Variants in OSBPL10 observed in about 807,000 individuals in gnomAD.
OSBPL10 encodes oxysterol binding protein like 10.
Under a neutral mutation model 81.7 loss-of-function variants are expected in OSBPL10, and 49 were observed. The observed-to-expected ratio is 0.60, with a 90% CI of 0.48 to 0.76. The LOEUF is 0.76. Ranked by LOEUF, OSBPL10 falls within the 30% of genes least tolerant of loss-of-function variation. The probability of loss-of-function intolerance (pLI) is 0.00; values close to 1 mark genes in which losing one functional copy is unlikely to be tolerated. For missense variants in OSBPL10, 923 were observed against 987.8 expected (o/e 0.93, Z 0.88); for synonymous variants, 419 against 383.6 (o/e 1.09, Z -1.08).
At chr3:32,008,751 T>C (rs1411539912) in intron 2 of OSBPL10, among the ~76,000 whole-genome samples, 3 of 118,654 alleles carry the variant, frequency 2.5e-5, no homozygotes, top group Non-Finnish European at 1.6e-5. Flanking sequence ...CAGAGTGAGA[T>C]CCTGACTGGA....
intron 4 of OSBPL10, among the ~76,000 whole-genome samples, chr3:31,821,403 T>C (rs1699980000): frequency 1.3e-5 from 2 of 152,250 alleles, no homozygotes; most frequent in Admixed American, 1.3e-4. Flanking sequence ...ATTCTCACTA[T>C]TCCAGCCAAC....
At chr3:31,860,485 A>C (rs1701030819) in intron 3 of OSBPL10, among the ~76,000 whole-genome samples, 1 of 152,194 alleles carries the variant, frequency 6.6e-6, no homozygotes, top group South Asian at 2.1e-4. Context: ...CAAGGCAATA[A>C]AGAGACAAGG....
intron 1 of OSBPL10, among the ~76,000 whole-genome samples, chr3:31,898,265 G>A (rs1696124027): frequency 6.6e-6 from 1 of 151,970 alleles, no homozygotes; most frequent in Non-Finnish European, 1.5e-5. Flanking sequence ...AAATAGCTAG[G>A]AGTAAATTTC....
chr3:32,028,987 C>CACA, intron 2 of OSBPL10, among the ~76,000 whole-genome samples: 1 of 147,794 alleles, frequency 6.8e-6, no homozygotes, highest in East Asian at 2.0e-4. Context: ...CACACACACA[C>CACA]ACCAGGAATG....
chr3:31,778,269 G>A (rs911894157), intron 4 of OSBPL10, among the ~76,000 whole-genome samples: 8 of 152,190 alleles, frequency 5.3e-5, no homozygotes, highest in Non-Finnish European at 1.0e-4. Context: ...CCTAGTGACA[G>A]AGGCAGCCAT....
At chr3:31,913,199 G>A (rs2125695434) in intron 1 of OSBPL10, among the ~76,000 whole-genome samples, 1 of 151,880 alleles carries the variant, frequency 6.6e-6, no homozygotes, top group East Asian at 1.9e-4. Flanking sequence ...AAGGGAGTCA[G>A]AAAGTGTAAA....
intron 7 of OSBPL10, among the ~76,000 whole-genome samples, chr3:31,686,531 T>C (rs1435689263): frequency 1.3e-5 from 2 of 152,232 alleles, no homozygotes; most frequent in African/African-American, 4.8e-5. Context: ...TTAACATATC[T>C]GTCCGGGTGA....
intron 3 of OSBPL10, among the ~76,000 whole-genome samples, chr3:31,858,794 A>G (rs867082922): frequency 6.6e-6 from 1 of 152,214 alleles, no homozygotes; most frequent in Non-Finnish European, 1.5e-5. Context: ...TTTCTGATGC[A>G]TGGGGAATAT....
intron 2 of OSBPL10, among the ~76,000 whole-genome samples, chr3:32,043,307 C>A (rs965803490): frequency 6.6e-6 from 1 of 152,192 alleles, no homozygotes; most frequent in Non-Finnish European, 1.5e-5. Context: ...CCCGACCCTG[C>A]AGGCAGTCAG....
chr3:31,758,404 G>GACATGAC (rs1434054404), intron 4 of OSBPL10, among the ~76,000 whole-genome samples: 1 of 152,162 alleles, frequency 6.6e-6, no homozygotes, highest in Admixed American at 6.5e-5. Context: ...CCTGAAAACA[G>GACATGAC]AGTTCACAGC....
At chr3:31,717,571 G>A (rs1214957847) in intron 6 of OSBPL10, among the ~76,000 whole-genome samples, 2 of 152,178 alleles carry the variant, frequency 1.3e-5, no homozygotes, top group South Asian at 2.1e-4. Flanking sequence ...CACCAATAAT[G>A]CCCCATTATA....
intron 4 of OSBPL10, among the ~76,000 whole-genome samples, chr3:31,824,953 T>C (rs35059366): frequency 3.1e-4 from 47 of 152,138 alleles, no homozygotes; most frequent in Non-Finnish European, 5.7e-4. Flanking sequence ...ATTTCTGTTT[T>C]GGCAGAAAGT....
At chr3:32,060,345 GC>G (rs1295625432) in intron 1 of OSBPL10, among the ~76,000 whole-genome samples, 9 of 152,270 alleles carry the variant, frequency 5.9e-5, no homozygotes, top group East Asian at 3.9e-4. Context: ...AATTCAGTGT[GC>G]CTCCAATAAG....
At chr3:32,047,232 CT>C (rs551154787) in intron 1 of OSBPL10, among the ~76,000 whole-genome samples, 81 of 152,238 alleles carry the variant, frequency 5.3e-4, no homozygotes, top group African/African-American at 1.9e-3. Flanking sequence ...TCTCCTCAGC[CT>C]CCCAAAATGC....
intron 4 of OSBPL10, among the ~76,000 whole-genome samples, chr3:31,771,339 T>G (rs530568152): frequency 6.6e-6 from 1 of 152,332 alleles, no homozygotes; most frequent in Admixed American, 6.5e-5. Flanking sequence ...TGACAACTGT[T>G]TCAGCACTAA....
chr3:31,733,978 C>T (rs894019709), intron 5 of OSBPL10, among the ~76,000 whole-genome samples: 13 of 151,498 alleles, frequency 8.6e-5, no homozygotes, highest in Non-Finnish European at 1.9e-4. Flanking sequence ...CCACTGCACT[C>T]CAGCCTGGGC....
At chr3:31,753,528 GCTTA>G (rs750771600) in intron 4 of OSBPL10, among the ~76,000 whole-genome samples, 6 of 152,014 alleles carry the variant, frequency 3.9e-5, no homozygotes, top group Non-Finnish European at 8.8e-5. Flanking sequence ...CACACAAACA[GCTTA>G]CTGTCTGCCT....
chr3:31,672,361 CGGG>C (rs61186495), intron 8 of OSBPL10, among the ~76,000 whole-genome samples: 7 of 53,736 alleles, frequency 1.3e-4, no homozygotes, highest in African/African-American at 3.8e-4. Context: ...TTTGCGGGGG[CGGG>C]GGGGGGGGCA....
upstream of OSBPL10, among the ~76,000 whole-genome samples, chr3:31,984,967 G>A (rs1018067703): frequency 3.9e-5 from 6 of 152,196 alleles, no homozygotes; most frequent in Non-Finnish European, 7.3e-5. Context: ...GGCCAGGCGC[G>A]GTGGCTCAAG....
Sources: allele counts gnomAD v4.1 joint callset (sites outside exome capture counted in the v4.1 genomes callset), GRCh38; gene constraint gnomAD v4.1.1; transcripts MANE v1.5; gene names NCBI Gene and HGNC (gene_info 2026-07-23, HGNC 2026-07-21).